Variants in CHRM2 observed in about 807,000 individuals in gnomAD.
CHRM2 encodes the protein cholinergic receptor muscarinic 2, also known as muscarinic acetylcholine receptor M2.
CHRM2 carries 8 observed loss-of-function variants against 25.0 expected under a neutral mutation model. The observed-to-expected ratio is 0.32, with a 90% CI of 0.19 to 0.58. The LOEUF is 0.58. Among genes scored for constraint, CHRM2 ranks in the 20% least tolerant of loss-of-function variants. CHRM2 has a pLI of 0.88. For missense variants in CHRM2, 440 were observed against 567.1 expected, an observed-to-expected ratio of 0.78 and a Z score of 2.28; for synonymous variants, 202 against 205.7, an observed-to-expected ratio of 0.98 and a Z score of 0.15.
intron 3 of CHRM2, among the ~76,000 whole-genome samples, chr7:137,005,010 G>A (rs553410379): frequency 2.6e-5 from 4 of 152,110 alleles, no homozygotes; most frequent in South Asian, 2.1e-4. Context: ...TTACAGCTTC[G>A]TTGAATCTGG....
At chr7:136,956,825 A>AT (rs1455268084) in intron 2 of CHRM2, among the ~76,000 whole-genome samples, 1 of 85,392 alleles carries the variant, frequency 1.2e-5, no homozygotes, top group Non-Finnish European at 2.7e-5. Context: ...GATCATATGA[A>AT]GGTTTTTTTT....
chr7:136,995,694 G>A (rs926893666), intron 3 of CHRM2, among the ~76,000 whole-genome samples: 14 of 151,966 alleles, frequency 9.2e-5, no homozygotes, highest in African/African-American at 3.4e-4. Flanking sequence ...GTCCTGGAAG[G>A]CAGAGGTTGC....
At chr7:136,985,453 T>A (rs1366417515) in intron 2 of CHRM2, among the ~76,000 whole-genome samples, 1 of 131,556 alleles carries the variant, frequency 7.6e-6, no homozygotes, top group African/African-American at 3.0e-5. Flanking sequence ...AAGGTTGCAG[T>A]GAGCTGAGAT....
intron 2 of CHRM2, among the ~76,000 whole-genome samples, chr7:136,875,921 T>G (rs901139160): frequency 6.6e-6 from 1 of 152,180 alleles, no homozygotes; most frequent in Non-Finnish European, 1.5e-5. Flanking sequence ...TCGTGGAATT[T>G]ATTATTATTA....
At chr7:136,877,384 T>C (rs1285754001) in intron 2 of CHRM2, among the ~76,000 whole-genome samples, 3 of 152,108 alleles carry the variant, frequency 2.0e-5, no homozygotes, top group Non-Finnish European at 1.5e-5. Flanking sequence ...TCTCGGCTAC[T>C]TAAGAAATAA....
chr7:137,000,044 T>C (rs752392206), intron 3 of CHRM2, among the ~76,000 whole-genome samples: 2 of 152,134 alleles, frequency 1.3e-5, no homozygotes, highest in Non-Finnish European at 2.9e-5. Flanking sequence ...ACAGACCTAT[T>C]GCACAGATGA....
At chr7:137,012,526 T>C (rs980644054) in intron 3 of CHRM2, among the ~76,000 whole-genome samples, 4 of 152,020 alleles carry the variant, frequency 2.6e-5, no homozygotes, top group African/African-American at 9.7e-5. Context: ...AATAAAATTA[T>C]ATTCTGTAAT....
intron 2 of CHRM2, among the ~76,000 whole-genome samples, chr7:136,986,311 TCCCCTCAA>T (rs552043674): frequency 1.3e-3 from 192 of 152,276 alleles, no homozygotes; most frequent in African/African-American, 4.3e-3. Flanking sequence ...TACACAATTT[TCCCCTCAA>T]AGATTAAATT....
intron 2 of CHRM2, among the ~76,000 whole-genome samples, chr7:136,893,587 C>A (rs1796779103): frequency 6.6e-6 from 1 of 152,152 alleles, no homozygotes; most frequent in Non-Finnish European, 1.5e-5. Context: ...GCCCAAATCT[C>A]CAAGGCCACT....
chr7:136,979,370 A>G (rs777029933), intron 2 of CHRM2, among the ~76,000 whole-genome samples: 17 of 152,198 alleles, frequency 1.1e-4, no homozygotes, highest in Non-Finnish European at 2.2e-4. Context: ...GATAGATTGC[A>G]AAATTTTTCT....
At chr7:136,887,757 T>G (rs768381216) in intron 2 of CHRM2, among the ~76,000 whole-genome samples, 81 of 152,210 alleles carry the variant, frequency 5.3e-4, no homozygotes, top group Non-Finnish European at 1.8e-4. Context: ...TTTCTGCTGC[T>G]GGATCTCTGT....
chr7:136,900,619 G>A (rs1797146392), intron 2 of CHRM2, among the ~76,000 whole-genome samples: 1 of 152,096 alleles, frequency 6.6e-6, no homozygotes, highest in African/African-American at 2.4e-5. Flanking sequence ...GGGCATCTCA[G>A]AGGAGACTGG....
In CHRM2 at chr7:136,994,481, T is replaced by C. The variant is rs140190626; in HGVS notation, c.-47+2217T>C. Among the ~76,000 whole-genome samples, 261 of 151,336 alleles carry C rather than the reference T, an allele frequency of 1.7e-3. 2 individuals are homozygous for C. Among genetic ancestry groups the C allele is most frequent in the Non-Finnish European group, 1.4e-3 (93 of 67,824 alleles). ...GAGAGGTACTTATTTGGTTATATAA[T>C]ATTCATTTTCTATAGTGCTTTCTGC... is the stretch of plus-strand genomic sequence containing the variant. On this transcript the variant is annotated intron_variant, in intron 3 of 3. Transcript: ENST00000680005.
intron 2 of CHRM2, chr7:136,871,801 C>T (rs981588001): frequency 2.0e-5 from 3 of 152,168 alleles, no homozygotes; most frequent in African/African-American, 7.2e-5. Context: ...ACTTTTGAGA[C>T]TTGTCAAACG....
At chr7:136,976,166 A>T (rs1413961212) in intron 2 of CHRM2, among the ~76,000 whole-genome samples, 2 of 152,128 alleles carry the variant, frequency 1.3e-5, no homozygotes, top group African/African-American at 4.8e-5. Context: ...CATGGAGTAT[A>T]TTTAGGGGAA....
At chr7:136,909,420 C>T (rs532751795) in intron 2 of CHRM2, among the ~76,000 whole-genome samples, 1 of 151,952 alleles carries the variant, frequency 6.6e-6, no homozygotes, top group Non-Finnish European at 1.5e-5. Flanking sequence ...TAAAGGGTTA[C>T]TTTATTTAAC....
chr7:136,940,841 C>T (rs1209599674), intron 2 of CHRM2, among the ~76,000 whole-genome samples: 2 of 152,106 alleles, frequency 1.3e-5, no homozygotes, highest in African/African-American at 2.4e-5. Flanking sequence ...TAGGTGTTTT[C>T]TTGGCTTTGA....
intron 2 of CHRM2, among the ~76,000 whole-genome samples, chr7:136,991,498 A>G (rs988167027): frequency 6.6e-6 from 1 of 152,044 alleles, no homozygotes; most frequent in Non-Finnish European, 1.5e-5. Context: ...ATATTTGTCT[A>G]TTATTTTGCC....
At chr7:137,000,447 A>G (rs1803923182) in intron 3 of CHRM2, among the ~76,000 whole-genome samples, 1 of 149,710 alleles carries the variant, frequency 6.7e-6, no homozygotes, top group Non-Finnish European at 1.5e-5. Flanking sequence ...TGATCTGCCC[A>G]CCTCGGCCTC....
Sources: allele counts gnomAD v4.1 joint callset (sites outside exome capture counted in the v4.1 genomes callset), GRCh38; gene constraint gnomAD v4.1.1; transcripts MANE v1.5; gene names NCBI Gene and HGNC (gene_info 2026-07-23, HGNC 2026-07-21).